Variants in DSE observed in about 807,000 individuals in gnomAD.
DSE encodes the protein dermatan sulfate epimerase, also known as dermatan-sulfate epimerase.
In DSE, 36 loss-of-function variants were observed where a neutral mutation model predicts 84.4. The ratio of observed to expected loss-of-function variants is 0.43; its 90% CI spans 0.33 to 0.56. The LOEUF (loss-of-function observed/expected upper bound fraction) is 0.56. Among genes scored for constraint, DSE ranks in the 20% least tolerant of loss-of-function variants. DSE has a pLI of 0.06. For synonymous variants in DSE, 410 were observed against 430.1 expected (o/e 0.95, Z 0.58); for missense variants, 862 against 1,169.6 (o/e 0.74, Z 3.84).
chr6:116,434,366 A>C (rs1425589011), intron 5 of DSE, among the ~76,000 whole-genome samples: 1 of 152,142 alleles, frequency 6.6e-6, no homozygotes, highest in Non-Finnish European at 1.5e-5. Context: ...TTTTTTCAAA[A>C]TACAAAAAAA....
At chr6:116,351,270 G>A (rs1282278162) in intron 2 of DSE, among the ~76,000 whole-genome samples, 5 of 152,122 alleles carry the variant, frequency 3.3e-5, no homozygotes, top group Non-Finnish European at 5.9e-5. Context: ...CATCTGACTC[G>A]GTTTGGCTGT....
chr6:116,438,330 C>A lies in DSE; in HGVS notation c.*985C>A, dbSNP rs2115102957. On this transcript the variant is annotated 3_prime_UTR_variant, in exon 6 of 6. Transcript: ENST00000644252. ...TTCCATTATATTCAAAATGCATTAA[C>A]ATTTTCCAAAATTTTTGAAGAGAGA... 1.3e-5 allele frequency: 2 copies of A among 152,486 alleles called. No individual in the cohort carries two copies. Among genetic ancestry groups the A allele is most frequent in the South Asian group, 2.1e-4 (1 of 4,816 alleles). 9.4% of individuals were successfully genotyped at this position (152,486 alleles called of 1,614,324 possible).
chr6:116,266,675 G>T (rs909205703), intron 2 of DSE, among the ~76,000 whole-genome samples: 8 of 152,098 alleles, frequency 5.3e-5, no homozygotes, highest in African/African-American at 1.9e-4. Context: ...CTTTCAATAT[G>T]TATACAATAA....
chr6:116,442,825 A>T lies in DSE; in HGVS notation c.*5480A>T, dbSNP rs1457413549. ...TGGCAGCGATTTTCATGGGATAGGA[A>T]ATGTGTATGGGAGCAAAAGGGACAT... On this transcript the variant is annotated 3_prime_UTR_variant, in exon 6 of 6. Transcript: ENST00000644252. 2.0e-5 allele frequency: 3 copies of T among 152,210 alleles called. No homozygotes were observed. Among genetic ancestry groups the T allele is most frequent in the African/African-American group, 7.2e-5 (3 of 41,436 alleles). 9.4% of individuals were successfully genotyped at this position (152,210 alleles called of 1,614,324 possible).
chr6:116,402,298 G>C (rs1186304432), intron 2 of DSE, among the ~76,000 whole-genome samples: 1 of 152,130 alleles, frequency 6.6e-6, no homozygotes, highest in Non-Finnish European at 1.5e-5. Flanking sequence ...ACCCTAGTGT[G>C]GTAGAAAAGC....
At chr6:116,293,186 A>G (rs919563243) in intron 2 of DSE, among the ~76,000 whole-genome samples, 3 of 152,172 alleles carry the variant, frequency 2.0e-5, no homozygotes, top group Non-Finnish European at 4.4e-5. Flanking sequence ...TTAATAAGTT[A>G]TTGGGCTTGT....
intron 2 of DSE, chr6:116,278,326 G>C: frequency 1.5e-6 from 1 of 657,682 alleles, no homozygotes; most frequent in South Asian, 1.9e-5. Flanking sequence ...AGGTCATATG[G>C]AAGTGGAGAA....
chr6:116,399,911 T>C, intron 2 of DSE: 1 of 492,662 alleles, frequency 2.0e-6, no homozygotes, highest in Non-Finnish European at 3.6e-6. Context: ...AAAAATAATT[T>C]GCTGAATTGA....
In DSE at chr6:116,440,241, C is replaced by A. The variant is rs1176084918; in HGVS notation, c.*2896C>A. On this transcript the variant is annotated 3_prime_UTR_variant, in exon 6 of 6. Coordinates refer to ENST00000644252, the MANE Select transcript of DSE (RefSeq NM_013352.4). ...ATGTCTTAACAGAATGTTTTGCATA[C>A]TGAATAATTTGTTTTTGAAAAGGAA... The A allele has an allele frequency of 2.0e-5, 3 of 152,122 alleles. No homozygotes were observed. The highest frequency in any genetic ancestry group is 6.6e-5 in the Admixed American group (1 of 15,264). 9.4% of individuals were successfully genotyped at this position (152,122 alleles called of 1,614,324 possible).
chr6:116,254,359 T>C (rs1010136563), intron 1 of DSE: 2 of 517,754 alleles, frequency 3.9e-6, no homozygotes, highest in Non-Finnish European at 7.5e-6. Context: ...CCTAACCTAT[T>C]GTTTCTGAAA....
intron 2 of DSE, chr6:116,277,966 G>A (rs1402362629): frequency 2.0e-5 from 3 of 151,202 alleles, no homozygotes; most frequent in Admixed American, 2.0e-4. Flanking sequence ...ACCTTGGCAG[G>A]AGCCAATGTA....
At chr6:116,312,936 G>C (rs1189295019) in intron 2 of DSE, among the ~76,000 whole-genome samples, 1 of 152,216 alleles carries the variant, frequency 6.6e-6, no homozygotes, top group East Asian at 1.9e-4. Flanking sequence ...AGATTAATGA[G>C]TGAGGGATAC....
At chr6:116,375,268 GTCT>G (rs1779854086) in intron 1 of DSE, among the ~76,000 whole-genome samples, 3 of 152,186 alleles carry the variant, frequency 2.0e-5, no homozygotes, top group Admixed American at 1.3e-4. Flanking sequence ...GTTTCACAAA[GTCT>G]TCTCAACTCT....
chr6:116,396,843 T>C (rs1781281794), intron 1 of DSE, among the ~76,000 whole-genome samples: 2 of 152,194 alleles, frequency 1.3e-5, no homozygotes, highest in Admixed American at 1.3e-4. Flanking sequence ...GGTGGGAGTG[T>C]GGTTGCATAG....
At chr6:116,376,743 G>A (rs1414418832) in intron 1 of DSE, among the ~76,000 whole-genome samples, 1 of 152,160 alleles carries the variant, frequency 6.6e-6, no homozygotes, top group Non-Finnish European at 1.5e-5. Context: ...TGACAAATAA[G>A]CATAATTTGC....
At chr6:116,388,969 A>T (rs1467975914) in intron 1 of DSE, among the ~76,000 whole-genome samples, 1 of 152,228 alleles carries the variant, frequency 6.6e-6, no homozygotes, top group Non-Finnish European at 1.5e-5. Flanking sequence ...TGATATTTTT[A>T]GTCTCCTGAA....
At chr6:116,352,270 C>T (rs955489351) in intron 2 of DSE, among the ~76,000 whole-genome samples, 3 of 152,204 alleles carry the variant, frequency 2.0e-5, no homozygotes, top group African/African-American at 7.2e-5. Flanking sequence ...TCATGGCCTC[C>T]TTGGTACAAC....
At position 116,436,700 on chromosome 6, in the gene DSE, G is replaced by A; in HGVS notation, c.2232G>A (p.Gln744=). Residue 744 remains glutamine, a synonymous_variant, in exon 6 of 6, where the codon CAG becomes CAA. Coordinates refer to ENST00000644252, the MANE Select transcript of DSE (RefSeq NM_013352.4). ...EVKDYAAIVE[Q]NLQHFKPVFQ... ...AGGACTATGCTGCTATTGTGGAACA[G>A]AACTTGCAGCATTTTAAACCAGTGT... 2.5e-6 allele frequency: 4 copies of A among 1,614,172 alleles called. No individual in the cohort carries two copies. Among genetic ancestry groups the A allele is most frequent in the Non-Finnish European group, 2.5e-6 (3 of 1,180,026 alleles).
intron 1 of DSE, among the ~76,000 whole-genome samples, chr6:116,398,298 C>G (rs1290711023): frequency 2.0e-5 from 3 of 152,004 alleles, no homozygotes; most frequent in Admixed American, 6.6e-5. Context: ...GTTCTTTTAA[C>G]CAGTGCACAA....
Sources: gnomAD v4.1 joint callset for allele counts (sites outside exome capture counted in the v4.1 genomes callset) on GRCh38, gnomAD v4.1.1 for gene constraint, MANE v1.5 for transcripts, NCBI Gene and HGNC (gene_info 2026-07-23, HGNC 2026-07-21) for gene names.